Variants in RPS6KB2 observed in about 807,000 individuals in gnomAD.
The protein encoded by RPS6KB2 is ribosomal protein S6 kinase B2.
Under a neutral mutation model 58.2 loss-of-function variants are expected in RPS6KB2, and 51 were observed. The observed-to-expected ratio is 0.88, with a 90% CI of 0.70 to 1.11. The LOEUF is 1.11. RPS6KB2 is among the 50% of genes least tolerant of loss of function. The pLI, the probability that RPS6KB2 is intolerant of heterozygous loss-of-function variation, is 0.00. For missense variants in RPS6KB2, 671 were observed against 655.8 expected (o/e 1.02, Z -0.25); for synonymous variants, 293 against 258.6 (o/e 1.13, Z -1.28).
Position 67,433,460 on chromosome 11 carries a change from T to C in RPS6KB2, c.906+13T>C. The C allele has an allele frequency of 6.3e-7, 1 of 1,584,762 alleles. No individual in the cohort carries two copies. ...CCTTGTCAAAAAGGTGCAGCTCCCT[T>C]CTCTCTTCTCCGGGGCCCTGCCAGC... is the stretch of plus-strand genomic sequence containing the variant. On this transcript the variant is annotated intron_variant, in intron 10 of 14. Coordinates refer to ENST00000312629, the MANE Select transcript of RPS6KB2 (RefSeq NM_003952.3).
chr11:67,433,912 A>T (rs979366999), intron 10 of RPS6KB2, 83 bp from the exon 11 acceptor site: 6 of 1,464,568 alleles, frequency 4.1e-6, no homozygotes, highest in Non-Finnish European at 5.7e-6. Flanking sequence ...ATGTCACCTG[A>T]CCCCTACTCC....
Position 67,435,149 on chromosome 11 carries a change from C to T in RPS6KB2, c.1429C>T (p.Arg477Cys), listed in dbSNP as rs772711337. Reference sequence around the variant, plus strand: ...AGGGACCAAGAAGTCCAAGAGGGGCCGTGGGCGTCCAGGGCGCTAGGAAGC... The same window carrying T: ...AGGGACCAAGAAGTCCAAGAGGGGCTGTGGGCGTCCAGGGCGCTAGGAAGC... Reference protein sequence around the residue: ...PSGTKKSKRGRGRPGR With the variant: ...PSGTKKSKRGCGRPGR The change falls in exon 15 of 15, where the codon CGT (arginine) becomes TGT (cysteine). Residue 477 changes from arginine to cysteine, a missense_variant. Physicochemically the swap from Arg to Cys is radical, Grantham distance 180. Transcript: ENST00000312629. 42 of 1,589,672 alleles carry T rather than the reference C, an allele frequency of 2.6e-5. No homozygotes were observed. In the East Asian group the frequency reaches 6.1e-4, roughly 23 times the overall value.
At chr11:67,430,311 C>G (rs184050124) in intron 4 of RPS6KB2, 1 of 151,958 alleles carries the variant, frequency 6.6e-6, no homozygotes, top group Non-Finnish European at 1.5e-5. Context: ...TATTTTGAGA[C>G]GGAGTCTCAC....
At chr11:67,432,508 T>C in intron 5 of RPS6KB2, 92 bp from the exon 6 acceptor site, 1 of 1,373,990 alleles carries the variant, frequency 7.3e-7, no homozygotes, top group South Asian at 1.2e-5. Context: ...GCGGGAATTA[T>C]GAGCCCCTCT....
At chr11:67,429,758 C>T in intron 4 of RPS6KB2, 163 bp downstream of exon 4, 2 of 606,010 alleles carry the variant, frequency 3.3e-6, no homozygotes, top group Non-Finnish European at 5.9e-6. Context: ...CAGTAATTCT[C>T]AATGGGGGCA....
At chr11:67,432,902 CTG>C (rs753495602) in intron 7 of RPS6KB2, 48 bp from the exon 8 acceptor site, 2 of 1,609,146 alleles carry the variant, frequency 1.2e-6, no homozygotes, top group Non-Finnish European at 8.5e-7. Context: ...CTGAGGACCT[CTG>C]TGGGTGGGGT....
In RPS6KB2 at chr11:67,435,319, GC is replaced by G; in HGVS notation, c.*154del. On this transcript the variant is annotated 3_prime_UTR_variant, in exon 15 of 15. Coordinates refer to ENST00000312629, the MANE Select transcript of RPS6KB2 (RefSeq NM_003952.3). ...AGTGTGTGTCTGCTGGGGCAGCTGT[GC>G]CCCTGAATCATGGGCACGGAGGGCC... 1.3e-6 allele frequency: 1 copy of G among 796,398 alleles called. No homozygotes were observed. Among genetic ancestry groups the G allele is most frequent in the Non-Finnish European group, 1.9e-6 (1 of 520,828 alleles). The allele number at this position is 796,398 out of a possible 1,614,324, so 49.3% of individuals were successfully genotyped here.
In RPS6KB2 at chr11:67,432,793, T is replaced by C. The variant is rs755661916; in HGVS notation, c.572T>C (p.Ile191Thr). The C allele has an allele frequency of 2.2e-5, 36 of 1,614,098 alleles. No individual in the cohort carries two copies. Among genetic ancestry groups the C allele is most frequent in the Non-Finnish European group, 3.1e-5 (36 of 1,180,008 alleles). Residue 191 changes from isoleucine to threonine, a missense_variant, in exon 7 of 15, where the codon ATC (isoleucine) becomes ACC (threonine). Transcript: ENST00000312629. ...ALGHLHSQGIIYRDLKPENIM... is the reference protein window; with the variant it reads ...ALGHLHSQGITYRDLKPENIM... ...GGCCATCTCCACTCCCAGGGCATCA[T>C]CTACCGGGACCTCAAGCCCGAGAAC...
In RPS6KB2 at chr11:67,434,711, G is replaced by T. The variant is rs1335377995; in HGVS notation, c.1268+17G>T. 1 of 1,576,368 alleles carries T rather than the reference G, an allele frequency of 6.3e-7. No homozygotes were observed. Among genetic ancestry groups the T allele is most frequent in the South Asian group, 1.1e-5 (1 of 88,540 alleles). On this transcript the variant is annotated intron_variant, in intron 14 of 14. Coordinates refer to ENST00000312629, the MANE Select transcript of RPS6KB2 (RefSeq NM_003952.3). The stretch of plus-strand genomic sequence containing the variant: ...CCCCGTCAGGTACTGAGGGACGTGG[G>T]GGTGTGTGGCTGGGTTAGGGACGCT...
In RPS6KB2 at chr11:67,434,988, G is replaced by GC; in HGVS notation, c.1273dup (p.Leu425ProfsTer7). On this transcript the variant is annotated frameshift_variant and splice_region_variant. Transcript: ENST00000312629. LOFTEE classifies it high-confidence loss of function. ...TTATTCTGCCTTGGTTTCCCCTGCA[G>GC]CCCCCTCAAGTTCTCCCCTTTTGAG... is the stretch of plus-strand genomic sequence containing the variant. The GC allele has an allele frequency of 6.2e-7, 1 of 1,613,316 alleles. No individual in the cohort carries two copies. Among genetic ancestry groups the GC allele is most frequent in the Non-Finnish European group, 8.5e-7 (1 of 1,179,590 alleles).
intron 5 of RPS6KB2, chr11:67,431,877 G>A (rs111498992): frequency 1.7e-5 from 5 of 296,544 alleles, no homozygotes; most frequent in African/African-American, 1.1e-4. Context: ...TTCATTCTCT[G>A]TAGTGTCCTC....
At chr11:67,434,161 G>C (rs1864158505) in intron 11 of RPS6KB2, 37 bp from the exon 12 acceptor site, 1 of 1,612,826 alleles carries the variant, frequency 6.2e-7, no homozygotes, top group Admixed American at 1.7e-5. Flanking sequence ...CAAGCAGGGT[G>C]AGCTGTTAGT....
intron 4 of RPS6KB2, 102 bp downstream of exon 4, chr11:67,429,697 C>T (rs1565144552): frequency 1.0e-6 from 1 of 954,934 alleles, no homozygotes; most frequent in Non-Finnish European, 1.6e-6. Context: ...AGGAGGATCC[C>T]TGACTTTGGC....
chr11:67,434,786 G>A (rs775882918), intron 14 of RPS6KB2, 92 bp downstream of exon 14: 92 of 1,096,640 alleles, frequency 8.4e-5, no homozygotes, highest in Non-Finnish European at 1.1e-4. Flanking sequence ...CACGTCTGTC[G>A]GCCAGTGTTG....
chr11:67,433,148 A>G lies in RPS6KB2; in HGVS notation c.730A>G (p.Ser244Gly). Residue 244 changes from serine (S) to glycine (G), a missense_variant, in exon 9 of 15, where the codon AGT (serine) becomes GGT (glycine). Coordinates refer to ENST00000312629, the MANE Select transcript of RPS6KB2 (RefSeq NM_003952.3). ...EYMAPEILVR[S>G]GHNRAVDWWS... ...CAGGGCCCCTGAGATTCTGGTGCGC[A>G]GTGGCCACAACCGGGCTGTGGACTG... 6.2e-7 allele frequency: 1 copy of G among 1,604,304 alleles called. No individual in the cohort carries two copies. The highest frequency in any genetic ancestry group is 8.5e-7 in the Non-Finnish European group (1 of 1,176,632).
At chr11:67,428,836 C>T in intron 1 of RPS6KB2, 146 bp from the exon 2 acceptor site, 1 of 1,047,288 alleles carries the variant, frequency 9.5e-7, no homozygotes. Flanking sequence ...CCCTTTCCTG[C>T]CTTCGGTTTC....
Position 67,435,284 on chromosome 11 carries a change from T to A in RPS6KB2, c.*115T>A. ...GGTGTGTCTGGGGGTGGGGTGTGAGTGCGTATGAAAGTGTGTGTCTGCTGG... is the reference window on the plus strand; with the variant it reads ...GGTGTGTCTGGGGGTGGGGTGTGAGAGCGTATGAAAGTGTGTGTCTGCTGG... On this transcript the variant is annotated 3_prime_UTR_variant, in exon 15 of 15. Coordinates refer to ENST00000312629, the MANE Select transcript of RPS6KB2 (RefSeq NM_003952.3). The A allele has an allele frequency of 1.0e-6, 1 of 1,001,198 alleles. No homozygotes were observed. Among genetic ancestry groups the A allele is most frequent in the Non-Finnish European group, 1.4e-6 (1 of 704,430 alleles). 62.0% of individuals were successfully genotyped at this position (1,001,198 alleles called of 1,614,324 possible). A position where few individuals can be genotyped will look rare whatever the true frequency, so the allele number is the denominator to read the frequency against.
At position 67,429,231 on chromosome 11, in the gene RPS6KB2, C is replaced by T. The variant is rs763046615; in HGVS notation, c.231C>T (p.Gly77=). The T allele has an allele frequency of 6.2e-7, 1 of 1,613,218 alleles. No homozygotes were observed. The highest frequency in any genetic ancestry group is 1.1e-5 in the South Asian group (1 of 91,088). ...FELLRVLGKG[G]YGKVFQVRKV... is the part of the protein sequence containing the mutation. ...TGCTGCGTGTGCTGGGCAAGGGGGG[C>T]TATGGCAAGGTAGGGGCGGGCGCAC... Residue 77 remains glycine (G), a synonymous_variant, in exon 3 of 15, where the codon GGC becomes GGT. Transcript: ENST00000312629.
intron 1 of RPS6KB2, 60 bp downstream of exon 1, chr11:67,428,683 C>A: frequency 6.7e-7 from 1 of 1,503,650 alleles, no homozygotes; most frequent in Non-Finnish European, 9.0e-7. Context: ...CCAGCCGAGG[C>A]CGGAGCGGCG....
Sources: gnomAD v4.1 joint callset for allele counts on GRCh38, gnomAD v4.1.1 for gene constraint, MANE v1.5 for transcripts, NCBI Gene and HGNC (gene_info 2026-07-23, HGNC 2026-07-21) for gene names.